Variants in ADD2 observed in about 807,000 individuals in gnomAD.
The protein encoded by ADD2 is adducin 2.
A neutral mutation model predicts 83.0 loss-of-function variants in ADD2; 23 were observed. That is an observed-to-expected ratio of 0.28 (90% confidence interval 0.20 to 0.39). ADD2 has a LOEUF of 0.39. ADD2 is among the 10% of genes least tolerant of loss of function. The pLI, the probability that ADD2 is intolerant of heterozygous loss-of-function variation, is 1.00. For synonymous variants in ADD2, 375 were observed against 375.4 expected (o/e 1.00, Z 0.01); for missense variants, 758 against 944.9 (o/e 0.80, Z 2.59).
chr2:70,716,096 C>T lies in ADD2; in HGVS notation c.-153-2912G>A, dbSNP rs144419454. Among the ~76,000 whole-genome samples the T allele has an allele frequency of 5.1e-3, 777 of 152,252 alleles. 3 individuals are homozygous for T. The highest frequency in any genetic ancestry group is 8.7e-3 in the Non-Finnish European group (593 of 68,022). On this transcript the variant is annotated intron_variant, in intron 1 of 15. Coordinates refer to ENST00000264436, the MANE Select transcript of ADD2 (RefSeq NM_001617.4). ...AATTTAGCCTTTATTACCAAAATGG[C>T]AGGTATACTTTTCACATTTTCCAAA...
intron 1 of ADD2, among the ~76,000 whole-genome samples, chr2:70,735,808 G>A (rs1282552586): frequency 2.1e-5 from 3 of 142,226 alleles, no homozygotes; most frequent in East Asian, 2.1e-4. Flanking sequence ...TGCAACCTCC[G>A]CCTCCTGGGT....
At chr2:70,738,520 C>T (rs1267840150) in intron 1 of ADD2, among the ~76,000 whole-genome samples, 2 of 152,182 alleles carry the variant, frequency 1.3e-5, no homozygotes, top group Admixed American at 1.3e-4. Flanking sequence ...AGCTCAGGGT[C>T]TGTACCCTCC....
intron 1 of ADD2, among the ~76,000 whole-genome samples, chr2:70,756,516 ACT>A (rs1348858235): frequency 6.6e-6 from 1 of 152,260 alleles, no homozygotes; most frequent in Non-Finnish European, 1.5e-5. Flanking sequence ...GATACTGAAC[ACT>A]GTTAGGAGTT....
In ADD2 at chr2:70,656,790, G is replaced by A. The variant is rs1675374616; in HGVS notation, c.*6635C>T. 1 of 152,190 alleles carries A rather than the reference G, an allele frequency of 6.6e-6. No individual in the cohort carries two copies. Among genetic ancestry groups the A allele is most frequent in the African/African-American group, 2.4e-5 (1 of 41,426 alleles). The allele number at this position is 152,190 out of a possible 1,614,324, so 9.4% of individuals were successfully genotyped here. A position where few individuals can be genotyped will look rare whatever the true frequency, so the allele number is the denominator to read the frequency against. Reference sequence around the variant, plus strand: ...AGAGATGGGGCACACACACTGGGAAGCCAAGCACGTTAGATTTACTAGGGT... The same window carrying A: ...AGAGATGGGGCACACACACTGGGAAACCAAGCACGTTAGATTTACTAGGGT... On this transcript the variant is annotated 3_prime_UTR_variant, in exon 16 of 16. Transcript: ENST00000264436.
chr2:70,704,263 T>TGCCCCCCCCCCCCACCC, intron 4 of ADD2, 58 bp downstream of exon 4: 7 of 913,236 alleles, frequency 7.7e-6, no homozygotes, highest in Non-Finnish European at 1.2e-5. Flanking sequence ...CTCCCTCTCT[T>TGCCCCCCCCCCCCACCC]CCCCACCCCA....
At chr2:70,767,776 C>A (rs1384170195) in intron 1 of ADD2, 110 bp downstream of exon 1, 6 of 1,470,602 alleles carry the variant, frequency 4.1e-6, no homozygotes, top group Non-Finnish European at 3.6e-6. Context: ...GCAACAGACG[C>A]GCCCCACCTG....
rs1671089128 is a variant in ADD2 at position 70,692,410 on chromosome 2, G to A, written c.698C>T (p.Thr233Ile). ...RCIIHLHTPA[T>I]AAVSAMKWGL... is the part of the protein sequence containing the mutation. Reference sequence around the variant, plus strand: ...GAGAAGGAGTCCACTCACCGCTGCTGTGGCCGGTGTGTGCAGGTGGATGAT... The same window carrying A: ...GAGAAGGAGTCCACTCACCGCTGCTATGGCCGGTGTGTGCAGGTGGATGAT... Residue 233 changes from threonine to isoleucine, a missense_variant, in exon 7 of 16, where the codon ACA (threonine) becomes ATA (isoleucine). By Grantham distance (89) the Thr-to-Ile change is moderately conservative. Around this residue, in one of 5 missense-constraint regions of ADD2, gnomAD observed 394 missense variants for 509.3 expected, o/e 0.77. Coordinates refer to ENST00000264436, the MANE Select transcript of ADD2 (RefSeq NM_001617.4). 6.4e-7 allele frequency: 1 copy of A among 1,569,042 alleles called. No individual in the cohort carries two copies. Among genetic ancestry groups the A allele is most frequent in the Non-Finnish European group, 8.6e-7 (1 of 1,156,552 alleles).
At chr2:70,739,271 A>T (rs1673749963) in intron 1 of ADD2, among the ~76,000 whole-genome samples, 1 of 152,214 alleles carries the variant, frequency 6.6e-6, no homozygotes, top group African/African-American at 2.4e-5. Flanking sequence ...GCCAACAAGC[A>T]TATGAAAAAA....
chr2:70,700,012 C>T (rs575247397), intron 4 of ADD2, among the ~76,000 whole-genome samples: 1 of 152,298 alleles, frequency 6.6e-6, no homozygotes, highest in Admixed American at 6.5e-5. Context: ...AACTATCAGT[C>T]ATGCTTATGC....
chr2:70,700,919 A>C (rs895561881), intron 4 of ADD2, among the ~76,000 whole-genome samples: 1 of 152,092 alleles, frequency 6.6e-6, no homozygotes, highest in Admixed American at 6.5e-5. Flanking sequence ...TGAGGACAAA[A>C]ACATCAAAAA....
chr2:70,674,995 C>T, intron 13 of ADD2, 170 bp from the exon 14 acceptor site: 4 of 1,331,394 alleles, frequency 3.0e-6, no homozygotes, highest in Non-Finnish European at 3.9e-6. Flanking sequence ...TTCTTTCCTC[C>T]CCATTGCTAC....
Position 70,676,341 on chromosome 2 carries a change from C to T in ADD2, c.1593+455G>A, listed in dbSNP as rs1195815408. The stretch of plus-strand genomic sequence containing the variant: ...TAGGAGCATGGGTCCTGTCTATATA[C>T]CCCTTCTCTATGGGTACATGATCAT... On this transcript the variant is annotated intron_variant, in intron 13 of 15. Coordinates refer to ENST00000264436, the MANE Select transcript of ADD2 (RefSeq NM_001617.4). This position sits in a 1 kb window ranked among gnomAD's most constrained non-coding sequence, Gnocchi z 4.8. 6 of 1,042,018 alleles carry T rather than the reference C, an allele frequency of 5.8e-6. No individual in the cohort carries two copies. Among genetic ancestry groups the T allele is most frequent in the Non-Finnish European group, 6.9e-6 (6 of 866,300 alleles). The allele number at this position is 1,042,018 out of a possible 1,614,324, so 64.5% of individuals were successfully genotyped here.
intron 1 of ADD2, among the ~76,000 whole-genome samples, chr2:70,752,058 G>A (rs17717177): frequency 0.14 from 20,845 of 152,146 alleles, 1,618 homozygotes; most frequent in Middle Eastern, 0.26. Context: ...TGTCAAAAAT[G>A]GTTTCAAGCC....
intron 1 of ADD2, among the ~76,000 whole-genome samples, chr2:70,752,100 G>A (rs1553383023): frequency 1.3e-5 from 2 of 152,088 alleles, no homozygotes; most frequent in Non-Finnish European, 2.9e-5. Flanking sequence ...ACACACACGC[G>A]CTTTGGACAT....
rs1356144016 is a variant in ADD2, at chr2:70,676,111, C to T, written c.1593+685G>A. 1.0e-6 allele frequency: 1 copy of T among 985,286 alleles called. No individual in the cohort carries two copies. Among genetic ancestry groups the T allele is most frequent in the African/African-American group, 1.7e-5 (1 of 57,226 alleles). The allele number at this position is 985,286 out of a possible 1,614,324, so 61.0% of individuals were successfully genotyped here. On this transcript the variant is annotated intron_variant, in intron 13 of 15. Transcript: ENST00000264436. The surrounding 1 kb of genome is among the most constrained non-coding windows in gnomAD (Gnocchi z 4.8). The stretch of plus-strand genomic sequence containing the variant: ...GAGAGGAACATTTCCTGTATTTCCC[C>T]AATTTTTACTGCTAAGGAAAATGTC...
intron 11 of ADD2, 89 bp from the exon 12 acceptor site, chr2:70,677,966 A>G: frequency 3.2e-6 from 5 of 1,569,840 alleles, no homozygotes; most frequent in Non-Finnish European, 4.4e-6. Flanking sequence ...TGGGCCCAAC[A>G]TCCTGCATGG....
Position 70,716,471 on chromosome 2 carries a change from C to T in ADD2, c.-153-3287G>A, listed in dbSNP as rs570311128. Among the ~76,000 whole-genome samples, 7 of 152,304 alleles carry T rather than the reference C, an allele frequency of 4.6e-5. No homozygotes were observed. The East Asian group carries it at 9.7e-4, about 21-fold the overall frequency. On this transcript the variant is annotated intron_variant, in intron 1 of 15. Transcript: ENST00000264436. ...TCTGGCAGCCTGCCCCCTACACCCC[C>T]GCCCTGGGCTTTCACATCACTTTTA... is the stretch of plus-strand genomic sequence containing the variant.
rs1440304427 is a variant in ADD2 at position 70,692,417 on chromosome 2, G to C, written c.691C>G (p.Pro231Ala). Reference protein sequence around the residue: ...DVRCIIHLHTPATAAVSAMKW... With the variant: ...DVRCIIHLHTAATAAVSAMKW... ...AGTCCACTCACCGCTGCTGTGGCCGGTGTGTGCAGGTGGATGATGCAGCGC... is the reference window on the plus strand; with the variant it reads ...AGTCCACTCACCGCTGCTGTGGCCGCTGTGTGCAGGTGGATGATGCAGCGC... The change falls in exon 7 of 16, where the codon CCG becomes GCG. Residue 231 changes from proline (P) to alanine (A), a missense_variant. Around this residue, in one of 5 missense-constraint regions of ADD2, gnomAD observed 394 missense variants for 509.3 expected, o/e 0.77. Transcript: ENST00000264436. The C allele has an allele frequency of 1.3e-6, 2 of 1,577,862 alleles. No individual in the cohort carries two copies. The highest frequency in any genetic ancestry group is 1.7e-6 in the Non-Finnish European group (2 of 1,160,682).
chr2:70,712,301 G>A (rs1044947443), intron 2 of ADD2, among the ~76,000 whole-genome samples: 31 of 151,638 alleles, frequency 2.0e-4, no homozygotes, highest in Admixed American at 2.0e-4. Context: ...AAAATTAGGC[G>A]GGCATGGTGG....
Sources: gnomAD v4.1 joint callset for allele counts (sites outside exome capture counted in the v4.1 genomes callset) on GRCh38, gnomAD v4.1.1 for gene constraint, gnomAD v4.1.1 regional missense constraint, Gnocchi (gnomAD v3.1) non-coding constraint, MANE v1.5 for transcripts, NCBI Gene and HGNC (gene_info 2026-07-23, HGNC 2026-07-21) for gene names.